The following CSMD1 variants were observed in gnomAD, a reference collection of about 807,000 sequenced individuals.
CSMD1 encodes CUB and Sushi multiple domains 1, also known as CUB and sushi domain-containing protein 1.
A neutral mutation model predicts 417.5 loss-of-function variants in CSMD1; 213 were observed. That is an observed-to-expected ratio of 0.51 (90% CI 0.46 to 0.57). CSMD1 has a LOEUF of 0.57. Among genes scored for constraint, CSMD1 ranks in the 20% least tolerant of loss-of-function variants. CSMD1 has a pLI of 0.00. For synonymous variants in CSMD1, 2,862 were observed against 1,736.8 expected (o/e 1.65, Z -16.11); for missense variants, 6,923 against 4,529.7 (o/e 1.53, Z -15.17).
At chr8:4,340,757 C>T (rs1294412838) in intron 3 of CSMD1, among the ~76,000 whole-genome samples, 3 of 152,018 alleles carry the variant, frequency 2.0e-5, no homozygotes, top group African/African-American at 7.2e-5. Flanking sequence ...GCAAACTCTG[C>T]AAAACTGTCA....
At chr8:4,705,202 G>C (rs747749035) in intron 1 of CSMD1, among the ~76,000 whole-genome samples, 1 of 152,082 alleles carries the variant, frequency 6.6e-6, no homozygotes, top group Non-Finnish European at 1.5e-5. Context: ...CACCCATGAA[G>C]AACTGTGAGT....
At chr8:3,974,814 C>T (rs983539166) in intron 5 of CSMD1, among the ~76,000 whole-genome samples, 2 of 152,100 alleles carry the variant, frequency 1.3e-5, no homozygotes, top group South Asian at 4.2e-4. Context: ...TATAAAGCAT[C>T]TCCAATGATG....
intron 3 of CSMD1, among the ~76,000 whole-genome samples, chr8:4,299,008 T>C (rs1797836895): frequency 2.0e-5 from 3 of 152,152 alleles, no homozygotes; most frequent in East Asian, 3.9e-4. Flanking sequence ...GATGTTAAAT[T>C]TGCCATTTAA....
Position 4,292,553 on chromosome 8 carries a change from G to T in CSMD1, c.415+127400C>A, listed in dbSNP as rs541534844. Among the ~76,000 whole-genome samples the T allele has an allele frequency of 1.0e-3, 152 of 152,156 alleles. 1 individual carries two copies. The highest frequency in any genetic ancestry group is 3.5e-3 in the African/African-American group (144 of 41,512). On this transcript the variant is annotated intron_variant, in intron 3 of 69. Coordinates refer to ENST00000635120, the MANE Select transcript of CSMD1 (RefSeq NM_033225.6). ...AGCCCAGGCGTGAGCCACCGTGCCCGCCCGAATTTTTTAACTGAATGGAAT... is the reference window on the plus strand; with the variant it reads ...AGCCCAGGCGTGAGCCACCGTGCCCTCCCGAATTTTTTAACTGAATGGAAT...
intron 52 of CSMD1, among the ~76,000 whole-genome samples, chr8:3,016,956 G>C (rs753862235): frequency 1.2e-4 from 18 of 152,142 alleles, no homozygotes; most frequent in Non-Finnish European, 2.6e-4. Flanking sequence ...AGGCTTATCA[G>C]GGATCAATAA....
At chr8:3,236,078 A>C (rs555388742) in intron 26 of CSMD1, among the ~76,000 whole-genome samples, 7 of 151,592 alleles carry the variant, frequency 4.6e-5, no homozygotes, top group South Asian at 2.1e-4. Context: ...CCACCACACC[A>C]GGCTAATTTT....
intron 3 of CSMD1, among the ~76,000 whole-genome samples, chr8:4,409,947 G>C (rs1796557458): frequency 6.6e-6 from 1 of 151,920 alleles, no homozygotes; most frequent in Admixed American, 6.6e-5. Context: ...CCAAGTAGCT[G>C]GGATTACAGG....
chr8:4,756,459 T>A (rs566094147), intron 1 of CSMD1, among the ~76,000 whole-genome samples: 1 of 152,210 alleles, frequency 6.6e-6, no homozygotes, highest in Non-Finnish European at 1.5e-5. Context: ...TAAAAGTTAA[T>A]TTGGGGAGGA....
intron 45 of CSMD1, chr8:3,106,948 T>G (rs73504564): frequency 0.036 from 8,610 of 237,768 alleles, 430 homozygotes; most frequent in African/African-American, 0.13. Flanking sequence ...AAAAGTAAAG[T>G]AGAAGCTATG....
intron 10 of CSMD1, among the ~76,000 whole-genome samples, chr8:3,499,847 A>G (rs1409935998): frequency 1.3e-5 from 2 of 152,054 alleles, no homozygotes; most frequent in African/African-American, 4.8e-5. Flanking sequence ...ATGTACTCTG[A>G]TAGTTCTTCT....
rs145862626 is a variant in CSMD1, at chr8:3,547,383, C to G, written c.1344+27562G>C. On this transcript the variant is annotated intron_variant, in intron 10 of 69. Transcript: ENST00000635120. ...ATATCAAAACCATTTAGTTTCCACA[C>G]TGAAGAGGTAAAACTGATTCAGTTT... Among the ~76,000 whole-genome samples, 5 of 152,296 alleles carry G rather than the reference C, an allele frequency of 3.3e-5. No individual in the cohort carries two copies. In the South Asian group the frequency reaches 1.0e-3, roughly 32 times the overall value.
intron 52 of CSMD1, among the ~76,000 whole-genome samples, chr8:3,007,319 G>T (rs1023395173): frequency 6.6e-6 from 1 of 151,912 alleles, no homozygotes; most frequent in African/African-American, 2.4e-5. Flanking sequence ...CTACACTGTT[G>T]GTGGGACTGT....
intron 3 of CSMD1, among the ~76,000 whole-genome samples, chr8:4,325,868 A>C (rs530004523): frequency 6.6e-6 from 1 of 152,116 alleles, no homozygotes; most frequent in Non-Finnish European, 1.5e-5. Context: ...TGGAATTGAG[A>C]GTTCCGTTCT....
At chr8:4,189,710 ATTTGT>A (rs1798900534) in intron 3 of CSMD1, among the ~76,000 whole-genome samples, 2 of 152,096 alleles carry the variant, frequency 1.3e-5, no homozygotes, top group Non-Finnish European at 2.9e-5. Flanking sequence ...TTAATTTTTC[ATTTGT>A]ATTCTAATTA....
intron 1 of CSMD1, among the ~76,000 whole-genome samples, chr8:4,720,541 C>A (rs926919050): frequency 2.6e-5 from 4 of 152,130 alleles, no homozygotes; most frequent in Admixed American, 1.3e-4. Context: ...CCTCAGCCCC[C>A]TGAATAGCTG....
At chr8:4,308,555 A>T (rs1798382273) in intron 3 of CSMD1, among the ~76,000 whole-genome samples, 1 of 152,210 alleles carries the variant, frequency 6.6e-6, no homozygotes, top group Non-Finnish European at 1.5e-5. Context: ...GTTGTCTTCG[A>T]TATATCTTCC....
intron 1 of CSMD1, among the ~76,000 whole-genome samples, chr8:4,906,524 A>C (rs1394415812): frequency 6.6e-6 from 1 of 151,986 alleles, no homozygotes; most frequent in Non-Finnish European, 1.5e-5. Flanking sequence ...TTTTTATTCT[A>C]AATATTTTAA....
Position 4,588,648 on chromosome 8 carries a change from G to C in CSMD1, c.302+48694C>G, listed in dbSNP as rs1041531517. On this transcript the variant is annotated intron_variant, in intron 2 of 69. Transcript: ENST00000635120. ...AAAAACACAAAAATTAGCCGGGCGT[G>C]GTGGCGGGCGCCTTTAGTCCCAGCT... Among the ~76,000 whole-genome samples the C allele has an allele frequency of 3.9e-5, 6 of 152,096 alleles. 1 individual carries two copies. Among genetic ancestry groups the C allele is most frequent in the African/African-American group, 2.4e-5 (1 of 41,526 alleles).
At chr8:3,110,416 C>T in intron 42 of CSMD1, 81 bp from the exon 43 acceptor site, 1 of 1,179,166 alleles carries the variant, frequency 8.5e-7, no homozygotes, top group Non-Finnish European at 1.1e-6. Flanking sequence ...CTCCAAAGTA[C>T]CTTAGCCAAC....
Sources: gnomAD v4.1 joint callset for allele counts (sites outside exome capture counted in the v4.1 genomes callset) on GRCh38, gnomAD v4.1.1 for gene constraint, MANE v1.5 for transcripts, NCBI Gene and HGNC (gene_info 2026-07-23, HGNC 2026-07-21) for gene names.